Variants in PTPRG observed in about 807,000 individuals in gnomAD.
The protein encoded by PTPRG is protein tyrosine phosphatase receptor type G.
Under a neutral mutation model 165.3 loss-of-function variants are expected in PTPRG, and 102 were observed. The ratio of observed to expected loss-of-function variants is 0.62; its 90% CI spans 0.53 to 0.73. PTPRG has a LOEUF of 0.73. PTPRG is among the 30% of genes least tolerant of loss of function. The probability of loss-of-function intolerance (pLI) is 0.00; values close to 1 mark genes in which losing one functional copy is unlikely to be tolerated. For missense variants in PTPRG, 1,866 were observed against 1,861.4 expected, an observed-to-expected ratio of 1.00 and a Z score of -0.05; for synonymous variants, 675 against 669.5, an observed-to-expected ratio of 1.01 and a Z score of -0.13.
intron 6 of PTPRG, among the ~76,000 whole-genome samples, chr3:62,137,472 G>A (rs950993971): frequency 6.6e-6 from 1 of 152,206 alleles, no homozygotes; most frequent in Non-Finnish European, 1.5e-5. Context: ...GCCTTAGGTT[G>A]TGCAGCATGT....
chr3:62,024,427 A>G (rs1388508597), intron 4 of PTPRG, among the ~76,000 whole-genome samples: 5 of 152,170 alleles, frequency 3.3e-5, no homozygotes, highest in Non-Finnish European at 5.9e-5. Flanking sequence ...AATAGAGCAT[A>G]CACTTTTTAA....
intron 8 of PTPRG, among the ~76,000 whole-genome samples, chr3:62,170,109 G>T (rs1279696576): frequency 6.6e-6 from 1 of 152,148 alleles, no homozygotes; most frequent in East Asian, 1.9e-4. Flanking sequence ...TGAGATTCAA[G>T]TAATTTGGGG....
intron 2 of PTPRG, chr3:61,925,775 T>G (rs752695745): frequency 1.3e-5 from 5 of 399,896 alleles, no homozygotes; most frequent in Non-Finnish European, 2.5e-5. Context: ...TGGTCAAAGT[T>G]GCAGCACCTG....
In PTPRG at chr3:61,708,802, A is replaced by G. The variant is rs1014680407; in HGVS notation, c.86-40076A>G. On this transcript the variant is annotated intron_variant, in intron 1 of 29. Coordinates refer to ENST00000474889, the MANE Select transcript of PTPRG (RefSeq NM_002841.4). Reference sequence around the variant, plus strand: ...GCAATGCATAAACTTTTATTTCTGAATGGAAGATACCAGTCTGGATTCCTG... The same window carrying G: ...GCAATGCATAAACTTTTATTTCTGAGTGGAAGATACCAGTCTGGATTCCTG... Among the ~76,000 whole-genome samples, 38 of 152,176 alleles carry G rather than the reference A, an allele frequency of 2.5e-4. 1 individual carries two copies. The highest frequency in any genetic ancestry group is 8.4e-4 in the African/African-American group (35 of 41,436).
chr3:62,251,225 T>C (rs1701408392), intron 15 of PTPRG, among the ~76,000 whole-genome samples: 1 of 152,134 alleles, frequency 6.6e-6, no homozygotes, highest in African/African-American at 2.4e-5. Flanking sequence ...ACCCCATCTC[T>C]ACAAAAAATA....
chr3:62,143,494 TG>T (rs1348928396), intron 6 of PTPRG, among the ~76,000 whole-genome samples: 1 of 152,088 alleles, frequency 6.6e-6, no homozygotes, highest in East Asian at 1.9e-4. Context: ...CCTAAGGTGC[TG>T]AGGGTAAAAT....
chr3:61,954,887 T>C (rs1479286416), intron 2 of PTPRG, among the ~76,000 whole-genome samples: 1 of 152,156 alleles, frequency 6.6e-6, no homozygotes, highest in African/African-American at 2.4e-5. Flanking sequence ...TCAGTTTAGG[T>C]AAAAGTGATT....
At chr3:62,091,540 T>C (rs1489910691) in intron 5 of PTPRG, among the ~76,000 whole-genome samples, 1 of 152,158 alleles carries the variant, frequency 6.6e-6, no homozygotes, top group Non-Finnish European at 1.5e-5. Flanking sequence ...GATTTTCCCC[T>C]GGACCCCAAG....
At chr3:61,624,412 C>T (rs1701548783) in intron 1 of PTPRG, among the ~76,000 whole-genome samples, 1 of 152,126 alleles carries the variant, frequency 6.6e-6, no homozygotes. Flanking sequence ...CTTCCAGGAA[C>T]ACTGGAAGGT....
At chr3:62,177,933 C>T (rs1026602712) in intron 8 of PTPRG, among the ~76,000 whole-genome samples, 1 of 151,474 alleles carries the variant, frequency 6.6e-6, no homozygotes, top group African/African-American at 2.4e-5. Flanking sequence ...CCCACTACCC[C>T]ATAAGTTCTG....
At chr3:62,009,995 G>A (rs898878405) in intron 4 of PTPRG, among the ~76,000 whole-genome samples, 5 of 152,182 alleles carry the variant, frequency 3.3e-5, no homozygotes, top group Non-Finnish European at 5.9e-5. Context: ...ACAGCTCACT[G>A]CAGCCTCAAC....
intron 1 of PTPRG, among the ~76,000 whole-genome samples, chr3:61,648,135 GA>G (rs1200743187): frequency 1.4e-5 from 2 of 140,682 alleles, no homozygotes; most frequent in African/African-American, 2.8e-5. Flanking sequence ...CCTGACAGTG[GA>G]ATTAGTAAAG....
chr3:61,703,422 A>T (rs535025106), intron 1 of PTPRG, among the ~76,000 whole-genome samples: 17 of 152,136 alleles, frequency 1.1e-4, no homozygotes, highest in Non-Finnish European at 2.2e-4. Context: ...AACTAGGCTG[A>T]CATTTTTTCT....
chr3:62,065,656 A>G (rs907010120), intron 4 of PTPRG, among the ~76,000 whole-genome samples: 3 of 152,240 alleles, frequency 2.0e-5, no homozygotes, highest in Non-Finnish European at 2.9e-5. Context: ...TAACTCATTC[A>G]TTCATTCCAT....
At position 61,974,384 on chromosome 3, in the gene PTPRG, T is replaced by C. The variant is rs147719357; in HGVS notation, c.191-15241T>C. Among the ~76,000 whole-genome samples the C allele has an allele frequency of 6.1e-3, 932 of 152,034 alleles. 6 individuals carry two copies. The highest frequency in any genetic ancestry group is 9.5e-3 in the Non-Finnish European group (649 of 67,994). ...GCCTGGGCAACATGGTGAAACCCCATCTCTAAAAAAATATAAAAATCAGCC... is the reference window on the plus strand; with the variant it reads ...GCCTGGGCAACATGGTGAAACCCCACCTCTAAAAAAATATAAAAATCAGCC... On this transcript the variant is annotated intron_variant, in intron 2 of 29. Transcript: ENST00000474889.
chr3:61,919,430 C>T (rs757128918), intron 2 of PTPRG, among the ~76,000 whole-genome samples: 12 of 152,184 alleles, frequency 7.9e-5, no homozygotes, highest in Admixed American at 2.6e-4. Context: ...TGGTCATCTG[C>T]GATGTGTGCA....
intron 1 of PTPRG, among the ~76,000 whole-genome samples, chr3:61,593,382 G>C (rs994199055): frequency 2.2e-5 from 3 of 134,482 alleles, no homozygotes; most frequent in African/African-American, 5.5e-5. Context: ...TTGTTAGCTA[G>C]GTAAAAATAA....
Position 62,273,918 on chromosome 3 carries a change from C to T in PTPRG, c.3465+74C>T. 1 of 1,447,878 alleles carries T rather than the reference C, an allele frequency of 6.9e-7. No individual in the cohort carries two copies. Among genetic ancestry groups the T allele is most frequent in the Non-Finnish European group, 9.6e-7 (1 of 1,045,748 alleles). 89.7% of individuals were successfully genotyped at this position (1,447,878 alleles called of 1,614,324 possible). A position where few individuals can be genotyped will look rare whatever the true frequency, so the allele number is the denominator to read the frequency against. On this transcript the variant is annotated intron_variant, in intron 23 of 29. Transcript: ENST00000474889. The surrounding 1 kb of genome is among the most constrained non-coding windows in gnomAD (Gnocchi z 4.1). Reference sequence around the variant, plus strand: ...AATGCCTTGAGTTTGGGGGTTATGTCTTCTTTGCATTAATGTATACACCGA... The same window carrying T: ...AATGCCTTGAGTTTGGGGGTTATGTTTTCTTTGCATTAATGTATACACCGA...
intron 1 of PTPRG, among the ~76,000 whole-genome samples, chr3:61,615,338 G>T (rs942971134): frequency 2.0e-5 from 3 of 152,152 alleles, no homozygotes; most frequent in Non-Finnish European, 4.4e-5. Flanking sequence ...CGATACTTTT[G>T]AAGGTAACAC....
Sources: gnomAD v4.1 joint callset for allele counts (sites outside exome capture counted in the v4.1 genomes callset) on GRCh38, gnomAD v4.1.1 for gene constraint, Gnocchi (gnomAD v3.1) non-coding constraint, MANE v1.5 for transcripts, NCBI Gene and HGNC (gene_info 2026-07-23, HGNC 2026-07-21) for gene names.